The following MORC4 variants were observed in gnomAD, a reference collection of about 807,000 sequenced individuals.
MORC4 encodes the protein MORC family CW-type zinc finger protein 4.
Under a neutral mutation model 65.5 loss-of-function variants are expected in MORC4, and 22 were observed. The ratio of observed to expected loss-of-function variants is 0.34; its 90% CI spans 0.24 to 0.48. The LOEUF (loss-of-function observed/expected upper bound fraction) is 0.48, where lower values mean the gene tolerates loss of function less well. Among genes scored for constraint, MORC4 ranks in the 20% least tolerant of loss-of-function variants. The pLI is 0.99. For missense variants in MORC4, 624 were observed against 703.0 expected, an observed-to-expected ratio of 0.89 and a Z score of 1.27; for synonymous variants, 267 against 255.8, an observed-to-expected ratio of 1.04 and a Z score of -0.42.
intron 14 of MORC4, among the ~76,000 whole-genome samples, chrX:106,948,251 T>C (rs113867174): frequency 0.012 from 1,288 of 111,759 alleles, 23 homozygotes; most frequent in African/African-American, 0.04. Flanking sequence ...TTCCATTTTT[T>C]AATTGTCATT....
At chrX:106,981,107 T>C (rs1326114192) in intron 6 of MORC4, 88 bp from the exon 7 acceptor site, 1 of 1,088,933 alleles carries the variant, frequency 9.2e-7, no homozygotes. Context: ...CCAACTGATA[T>C]CTATGCTGGG....
intron 5 of MORC4, among the ~76,000 whole-genome samples, chrX:106,982,466 A>C (rs1013610905): frequency 6.3e-5 from 7 of 111,622 alleles, no homozygotes; most frequent in Non-Finnish European, 1.1e-4. Context: ...GCCCATGTCA[A>C]TGTATAATAG....
Position 107,000,174 on chromosome X carries a change from C to A in MORC4, c.-205G>T, listed in dbSNP as rs1276610826. The A allele has an allele frequency of 7.8e-6, 1 of 128,880 alleles. No individual in the cohort carries two copies. Among genetic ancestry groups the A allele is most frequent in the African/African-American group, 3.2e-5 (1 of 31,494 alleles). 10.6% of individuals were successfully genotyped at this position (128,880 alleles called of 1,213,427 possible). A position where few individuals can be genotyped will look rare whatever the true frequency, so the allele number is the denominator to read the frequency against. On this transcript the variant is annotated 5_prime_UTR_variant, in exon 1 of 17. Transcript: ENST00000355610. ...GGGTGAGGCCGGCTGAGGCAAGCGGCGGCTCCGCCCTGTCAGCACCTCTAC... is the reference window on the plus strand; with the variant it reads ...GGGTGAGGCCGGCTGAGGCAAGCGGAGGCTCCGCCCTGTCAGCACCTCTAC...
intron 3 of MORC4, among the ~76,000 whole-genome samples, chrX:106,991,264 T>C: frequency 8.9e-6 from 1 of 112,101 alleles, no homozygotes; most frequent in Non-Finnish European, 1.9e-5. Flanking sequence ...TCATAGCACT[T>C]ACCACTGGGT....
chrX:106,981,803 G>A (rs998190431), intron 5 of MORC4, among the ~76,000 whole-genome samples: 1 of 111,746 alleles, frequency 8.9e-6, no homozygotes, highest in East Asian at 2.8e-4. Flanking sequence ...ATAGACACAA[G>A]CTTTCTGGGT....
rs1934662174 is a variant in MORC4 at position 106,978,138 on chromosome X, A to G, written c.998T>C (p.Met333Thr). 8.3e-7 allele frequency: 1 copy of G among 1,206,271 alleles called. No individual in the cohort carries two copies. Among genetic ancestry groups the G allele is most frequent in the Non-Finnish European group, 1.1e-6 (1 of 892,383 alleles). ...SCKNSNQFGI[M>T]MYHNNRLIKS... ...TATGAGTCGGTTGTTATGATACATCATTATTCCAAACTGGTTACTATTCTT... is the reference window on the plus strand; with the variant it reads ...TATGAGTCGGTTGTTATGATACATCGTTATTCCAAACTGGTTACTATTCTT... Residue 333 changes from methionine to threonine, a missense_variant, in exon 8 of 17, where the codon ATG becomes ACG. Physicochemically the swap from Met to Thr is moderately conservative, Grantham distance 81. Transcript: ENST00000355610.
chrX:106,981,554 A>C, intron 5 of MORC4, 77 bp from the exon 6 acceptor site: 10 of 873,333 alleles, frequency 1.1e-5, no homozygotes, highest in Non-Finnish European at 1.5e-5. Flanking sequence ...AGCCCAAAAG[A>C]AAAAAAAACA....
At chrX:106,981,844 C>G (rs1934750575) in intron 5 of MORC4, among the ~76,000 whole-genome samples, 1 of 111,596 alleles carries the variant, frequency 9.0e-6, no homozygotes, top group Admixed American at 9.5e-5. Context: ...CATCATTTTC[C>G]CCAACTGAAT....
chrX:106,966,653 A>G (rs1289861686), intron 9 of MORC4, among the ~76,000 whole-genome samples: 1 of 113,060 alleles, frequency 8.8e-6, no homozygotes, highest in African/African-American at 3.2e-5. Flanking sequence ...GGCTTGGTGG[A>G]TGCCACGCCC....
chrX:106,957,474 ACTT>A (rs1236152609), intron 11 of MORC4, among the ~76,000 whole-genome samples: 5 of 111,699 alleles, frequency 4.5e-5, no homozygotes, highest in African/African-American at 1.6e-4. Flanking sequence ...TGTTCATTTA[ACTT>A]CTTCAATTTT....
chrX:106,999,286 C>T (rs1935134223), intron 2 of MORC4, among the ~76,000 whole-genome samples: 1 of 111,504 alleles, frequency 9.0e-6, no homozygotes, highest in East Asian at 2.8e-4. Flanking sequence ...CCGCCTCGGT[C>T]CTCTACGCCC....
chrX:106,950,991 A>G lies in MORC4; in HGVS notation c.1685+3922T>C, dbSNP rs1933953893. Among the ~76,000 whole-genome samples, 3 of 111,981 alleles carry G rather than the reference A, an allele frequency of 2.7e-5. No homozygotes were observed. In the Admixed American group the frequency reaches 2.8e-4, roughly 11 times the overall value. On this transcript the variant is annotated intron_variant, in intron 14 of 16. Coordinates refer to ENST00000355610, the MANE Select transcript of MORC4 (RefSeq NM_024657.5). ...TGTGCCCCTAGGACACTATCCAGAA[A>G]CACTGATTTTTTTTAAATATATTTT...
chrX:106,964,171 C>CT (rs1290531759), intron 9 of MORC4, among the ~76,000 whole-genome samples: 1 of 111,670 alleles, frequency 9.0e-6, no homozygotes, highest in Non-Finnish European at 1.9e-5. Context: ...AATAGAAAAT[C>CT]AACAAAGAGA....
At chrX:106,967,475 T>C (rs1329348051) in intron 9 of MORC4, among the ~76,000 whole-genome samples, 1 of 111,764 alleles carries the variant, frequency 8.9e-6, no homozygotes, top group Non-Finnish European at 1.9e-5. Flanking sequence ...GTTTGACAAG[T>C]TGACAGAAGT....
chrX:106,947,719 A>C (rs757498469), intron 14 of MORC4, among the ~76,000 whole-genome samples: 14 of 105,599 alleles, frequency 1.3e-4, no homozygotes, highest in African/African-American at 4.8e-4. Context: ...TTTAAATAAA[A>C]AATGTTACTG....
chrX:106,994,356 C>T (rs1935037927), intron 2 of MORC4, among the ~76,000 whole-genome samples: 1 of 111,794 alleles, frequency 8.9e-6, no homozygotes, highest in Non-Finnish European at 1.9e-5. Flanking sequence ...GCTCTTTGAG[C>T]AAGACAGAGT....
chrX:106,965,496 T>C (rs776851325), intron 9 of MORC4, among the ~76,000 whole-genome samples: 2 of 112,188 alleles, frequency 1.8e-5, no homozygotes, highest in Non-Finnish European at 3.8e-5. Flanking sequence ...TATCAGTAAT[T>C]ACTTTAATGT....
chrX:106,975,346 C>T (rs760855793), intron 9 of MORC4, among the ~76,000 whole-genome samples: 1 of 111,056 alleles, frequency 9.0e-6, no homozygotes, highest in African/African-American at 3.3e-5. Flanking sequence ...CAAAGATTTC[C>T]ATTATGGGCC....
At chrX:106,976,476 C>A in intron 9 of MORC4, 108 bp downstream of exon 9, 1 of 455,055 alleles carries the variant, frequency 2.2e-6, no homozygotes, top group Non-Finnish European at 3.8e-6. Flanking sequence ...TGAAGTAATT[C>A]TCAGTTAACT....
Sources: allele counts gnomAD v4.1 joint callset (sites outside exome capture counted in the v4.1 genomes callset), GRCh38; gene constraint gnomAD v4.1.1; transcripts MANE v1.5; gene names NCBI Gene and HGNC (gene_info 2026-07-23, HGNC 2026-07-21).